RXFP2: variants seen among roughly 807,000 people sequenced by gnomAD.
The protein encoded by RXFP2 is relaxin family peptide receptor 2, also known as relaxin receptor 2.
RXFP2 carries 68 observed loss-of-function variants against 88.6 expected under a neutral mutation model. That is an observed-to-expected ratio of 0.77 (90% CI 0.63 to 0.94). RXFP2 has a LOEUF of 0.94. Ranked by LOEUF, RXFP2 falls within the 40% of genes least tolerant of loss-of-function variation. The pLI is 0.00. For synonymous variants in RXFP2, 329 were observed against 306.8 expected, an observed-to-expected ratio of 1.07 and a Z score of -0.76; for missense variants, 791 against 893.9, an observed-to-expected ratio of 0.88 and a Z score of 1.47.
intron 13 of RXFP2, among the ~76,000 whole-genome samples, chr13:31,787,293 A>G (rs1873587204): frequency 6.6e-6 from 1 of 152,186 alleles, no homozygotes; most frequent in Non-Finnish European, 1.5e-5. Context: ...CCAAAGACCA[A>G]TTCTTAGTAT....
intron 5 of RXFP2, among the ~76,000 whole-genome samples, chr13:31,773,378 G>T (rs1194434441): frequency 6.6e-6 from 1 of 151,958 alleles, no homozygotes; most frequent in African/African-American, 2.4e-5. Flanking sequence ...TAAAGTACTT[G>T]GGGTAAAAGA....
At chr13:31,777,951 A>G (rs1406268688) in intron 8 of RXFP2, among the ~76,000 whole-genome samples, 1 of 152,302 alleles carries the variant, frequency 6.6e-6, no homozygotes, top group East Asian at 1.9e-4. Flanking sequence ...GGGGATTATT[A>G]TATTCCTTTA....
At chr13:31,780,991 G>C (rs562521173) in intron 9 of RXFP2, among the ~76,000 whole-genome samples, 4 of 152,288 alleles carry the variant, frequency 2.6e-5, no homozygotes, top group South Asian at 2.1e-4. Context: ...TGGCATTAGC[G>C]TCCTTGAGGC....
At chr13:31,752,854 T>C (rs560977666) in intron 1 of RXFP2, among the ~76,000 whole-genome samples, 48 of 152,342 alleles carry the variant, frequency 3.2e-4, no homozygotes, top group Middle Eastern at 3.4e-3. Flanking sequence ...TCTGCTTTGC[T>C]GACTGACAAC....
chr13:31,779,908 G>A (rs534046396), intron 9 of RXFP2, among the ~76,000 whole-genome samples: 128 of 152,270 alleles, frequency 8.4e-4, no homozygotes, highest in African/African-American at 2.8e-3. Flanking sequence ...GAGGTCTCAC[G>A]TAAGTGTGCC....
At chr13:31,797,487 C>A in intron 17 of RXFP2, 68 bp downstream of exon 17, 2 of 1,120,266 alleles carry the variant, frequency 1.8e-6, no homozygotes, top group African/African-American at 1.5e-5. Flanking sequence ...TTGACAAGGC[C>A]AGAGTCTAGG....
intron 1 of RXFP2, among the ~76,000 whole-genome samples, chr13:31,752,518 G>C (rs1399415354): frequency 1.3e-5 from 2 of 152,014 alleles, no homozygotes; most frequent in East Asian, 3.9e-4. Flanking sequence ...GTACCAAACA[G>C]TTGCCTGAAA....
intron 7 of RXFP2, among the ~76,000 whole-genome samples, chr13:31,776,670 C>T (rs1032095879): frequency 1.3e-5 from 2 of 152,138 alleles, no homozygotes; most frequent in African/African-American, 2.4e-5. Context: ...AACAGTTCCA[C>T]ATGCAAAGCT....
intron 5 of RXFP2, among the ~76,000 whole-genome samples, chr13:31,769,160 G>A (rs1193922235): frequency 6.6e-6 from 1 of 152,208 alleles, no homozygotes; most frequent in Non-Finnish European, 1.5e-5. Context: ...AAGAAAGATA[G>A]TCAATAAACA....
In RXFP2 at chr13:31,786,251, C is replaced by A. The variant is rs1415729367; in HGVS notation, c.930-132C>A. On this transcript the variant is annotated intron_variant, in intron 11 of 17. Coordinates refer to ENST00000298386, the MANE Select transcript of RXFP2 (RefSeq NM_130806.5). ...TGACTCATACGGCCCTGTTGTGTAA[C>A]AAGTTATCAGGTTGGTTAAATTGGA... 9.3e-6 allele frequency: 7 copies of A among 753,152 alleles called. No homozygotes were observed. In the Admixed American group the frequency reaches 1.2e-4, roughly 13 times the overall value. The allele number at this position is 753,152 out of a possible 1,614,324, so 46.7% of individuals were successfully genotyped here.
At chr13:31,760,071 TTG>T (rs1872228095) in intron 2 of RXFP2, among the ~76,000 whole-genome samples, 1 of 147,546 alleles carries the variant, frequency 6.8e-6, no homozygotes, top group African/African-American at 2.5e-5. Flanking sequence ...TTCAGTGTTG[TTG>T]TTGTTTGTTT....
chr13:31,788,311 C>T (rs1873644249), intron 13 of RXFP2, among the ~76,000 whole-genome samples: 1 of 152,074 alleles, frequency 6.6e-6, no homozygotes. Context: ...AATCTTTATT[C>T]GGATTAGTCA....
intron 2 of RXFP2, 126 bp downstream of exon 2, chr13:31,758,530 G>T: frequency 7.3e-5 from 81 of 1,103,310 alleles, no homozygotes; most frequent in Middle Eastern, 6.2e-4. Flanking sequence ...GATTTCCTTT[G>T]AAACACAAAT....
intron 5 of RXFP2, among the ~76,000 whole-genome samples, chr13:31,773,954 C>T (rs2138427994): frequency 6.6e-6 from 1 of 152,240 alleles, no homozygotes; most frequent in African/African-American, 2.4e-5. Flanking sequence ...TCCCATTGTA[C>T]AATGAAGACA....
intron 9 of RXFP2, among the ~76,000 whole-genome samples, chr13:31,780,498 G>C (rs1015062028): frequency 2.0e-5 from 3 of 152,132 alleles, no homozygotes; most frequent in Non-Finnish European, 4.4e-5. Flanking sequence ...TACATCTCAA[G>C]TTCCTACACA....
intron 13 of RXFP2, 109 bp downstream of exon 13, chr13:31,786,746 C>G: frequency 1.4e-6 from 1 of 714,138 alleles, no homozygotes; most frequent in South Asian, 1.6e-5. Context: ...TTTCAGACAA[C>G]TGTCTGAATC....
intron 1 of RXFP2, among the ~76,000 whole-genome samples, chr13:31,751,628 C>CA (rs1871678396): frequency 6.6e-6 from 1 of 152,178 alleles, no homozygotes; most frequent in Non-Finnish European, 1.5e-5. Context: ...AATTCCCACT[C>CA]AGAGGAAGAA....
At chr13:31,792,097 A>G (rs1873821588) in intron 15 of RXFP2, 62 bp downstream of exon 15, 1 of 1,181,930 alleles carries the variant, frequency 8.5e-7, no homozygotes, top group African/African-American at 1.5e-5. Context: ...CACTAGACAT[A>G]TATATGTATT....
chr13:31,798,794 C>G (rs1015318148), intron 17 of RXFP2, among the ~76,000 whole-genome samples: 1 of 152,166 alleles, frequency 6.6e-6, no homozygotes, highest in African/African-American at 2.4e-5. Flanking sequence ...AGCTGTCCCC[C>G]CAACCTGGAT....
Sources: gnomAD v4.1 joint callset for allele counts (sites outside exome capture counted in the v4.1 genomes callset) on GRCh38, gnomAD v4.1.1 for gene constraint, MANE v1.5 for transcripts, NCBI Gene and HGNC (gene_info 2026-07-23, HGNC 2026-07-21) for gene names.